Variants in EIF4B observed in about 807,000 individuals in gnomAD.
EIF4B encodes eukaryotic translation initiation factor 4B.
In EIF4B, 8 loss-of-function variants were observed where a neutral mutation model predicts 79.3. The observed-to-expected ratio is 0.10, with a 90% confidence interval of 0.06 to 0.18. The LOEUF is 0.18. Ranked by LOEUF, EIF4B falls within the 10% of genes least tolerant of loss-of-function variation. The pLI, the probability that EIF4B is intolerant of heterozygous loss-of-function variation, is 1.00. For missense variants in EIF4B, 515 were observed against 792.4 expected (o/e 0.65, Z 4.20); for synonymous variants, 238 against 274.7 (o/e 0.87, Z 1.32).
chr12:53,018,617 T>C (rs1220481114), intron 2 of EIF4B, among the ~76,000 whole-genome samples, 181 bp from the exon 3 acceptor site: 1 of 152,180 alleles, frequency 6.6e-6, no homozygotes, highest in Non-Finnish European at 1.5e-5. Flanking sequence ...GATTAAGGTG[T>C]CATAATTAAT....
Position 53,019,954 on chromosome 12 carries a change from G to A in EIF4B, c.405G>A (p.Arg135=), listed in dbSNP as rs1430101622. The A allele has an allele frequency of 1.2e-6, 2 of 1,613,024 alleles. No homozygotes were observed. Among genetic ancestry groups the A allele is most frequent in the East Asian group, 2.2e-5 (1 of 44,854 alleles). ...CACGTGAACCCAGCAATCCAGAGAGGTTGAAAGGTTTTGGTTATGCTGAAT... is the reference window on the plus strand; with the variant it reads ...CACGTGAACCCAGCAATCCAGAGAGATTGAAAGGTTTTGGTTATGCTGAAT... The part of the protein sequence containing the change: ...RLPREPSNPE[R]LKGFGYAEFE... The change falls in exon 4 of 15, where the codon AGG becomes AGA. Residue 135 remains arginine, a synonymous_variant. Coordinates refer to ENST00000262056, the MANE Select transcript of EIF4B (RefSeq NM_001417.7).
At chr12:53,021,630 C>A in intron 4 of EIF4B, 176 bp from the exon 5 acceptor site, 1 of 726,588 alleles carries the variant, frequency 1.4e-6, no homozygotes, top group Non-Finnish European at 2.5e-6. Context: ...ATTTGTTTAA[C>A]TTTTAAGTCT....
chr12:53,039,738 A>C (rs746229081), intron 14 of EIF4B, 36 bp downstream of exon 14: 5 of 1,591,890 alleles, frequency 3.1e-6, no homozygotes, highest in Non-Finnish European at 4.3e-6. Context: ...TTTTCATTCT[A>C]AGAAAAATTC....
Position 53,040,087 on chromosome 12 carries a change from G to A in EIF4B, c.1756-56G>A, listed in dbSNP as rs368743864. 3.8e-5 allele frequency: 61 copies of A among 1,599,052 alleles called. No homozygotes were observed. In the African/African-American group the frequency reaches 7.6e-4, roughly 20 times the overall value. Reference sequence around the variant, plus strand: ...AAAGGATCAGTATCCTGTGTCTTGGGTTTTGATGTGATAATTCAGGGCCTT... The same window carrying A: ...AAAGGATCAGTATCCTGTGTCTTGGATTTTGATGTGATAATTCAGGGCCTT... On this transcript the variant is annotated intron_variant, in intron 14 of 14. Coordinates refer to ENST00000262056, the MANE Select transcript of EIF4B (RefSeq NM_001417.7).
At chr12:53,027,607 C>A (rs1414597545) in intron 6 of EIF4B, among the ~76,000 whole-genome samples, 175 bp from the exon 7 acceptor site, 1 of 152,120 alleles carries the variant, frequency 6.6e-6, no homozygotes, top group Non-Finnish European at 1.5e-5. Flanking sequence ...AATTTCCAAC[C>A]CACCCTTCCC....
At chr12:53,007,817 C>T (rs1045118902) in intron 1 of EIF4B, among the ~76,000 whole-genome samples, 1 of 152,138 alleles carries the variant, frequency 6.6e-6, no homozygotes, top group Non-Finnish European at 1.5e-5. Flanking sequence ...ATTGGTGTAA[C>T]GCTTGACAGT....
chr12:53,012,703 T>G (rs1565583509), intron 1 of EIF4B, among the ~76,000 whole-genome samples: 1 of 150,902 alleles, frequency 6.6e-6, no homozygotes, highest in East Asian at 2.0e-4. Flanking sequence ...CCTCCCGGGT[T>G]CACGCCATTC....
chr12:53,019,437 A>ATTTTTT (rs1337954535), intron 3 of EIF4B, among the ~76,000 whole-genome samples: 2 of 51,026 alleles, frequency 3.9e-5, no homozygotes, highest in Admixed American at 3.1e-4. Flanking sequence ...ATATATATAT[A>ATTTTTT]TTTTTTTTTT....
chr12:53,007,693 C>T (rs1249907342), intron 1 of EIF4B, among the ~76,000 whole-genome samples: 1 of 152,146 alleles, frequency 6.6e-6, no homozygotes, highest in Non-Finnish European at 1.5e-5. Flanking sequence ...GAACTTCTAT[C>T]TCTGGGTGCT....
chr12:53,016,368 C>T (rs988192233), intron 1 of EIF4B, 105 bp from the exon 2 acceptor site: 9 of 1,419,424 alleles, frequency 6.3e-6, no homozygotes, highest in South Asian at 1.3e-5. Context: ...ATTTGAGGAG[C>T]GTCCATGTTA....
chr12:53,038,504 C>T (rs1943575353), intron 12 of EIF4B, 93 bp downstream of exon 12: 1 of 1,266,606 alleles, frequency 7.9e-7, no homozygotes, highest in East Asian at 2.6e-5. Flanking sequence ...GTGTCTCGCA[C>T]CTGATACCGT....
At chr12:53,007,432 T>A (rs910166820) in intron 1 of EIF4B, among the ~76,000 whole-genome samples, 14 of 146,758 alleles carry the variant, frequency 9.5e-5, no homozygotes, top group African/African-American at 3.4e-4. Flanking sequence ...TTTTTTTTTT[T>A]TTTTTTTTTT....
chr12:53,017,081 C>G (rs774123271), intron 2 of EIF4B, among the ~76,000 whole-genome samples: 1 of 151,972 alleles, frequency 6.6e-6, no homozygotes, highest in Non-Finnish European at 1.5e-5. Context: ...GGTGAAAACC[C>G]ATCTCTACTA....
intron 6 of EIF4B, among the ~76,000 whole-genome samples, chr12:53,024,014 A>G (rs970689614): frequency 6.6e-6 from 1 of 152,238 alleles, no homozygotes; most frequent in Non-Finnish European, 1.5e-5. Flanking sequence ...AAGATACAGC[A>G]GTGAACAAAA....
At chr12:53,037,726 A>G (rs1943563457) in intron 11 of EIF4B, 104 bp downstream of exon 11, 34 of 1,239,490 alleles carry the variant, frequency 2.7e-5, no homozygotes, top group Non-Finnish European at 3.8e-5. Context: ...ATAGCACCTT[A>G]TAAGTTATGC....
Position 53,039,099 on chromosome 12 carries a change from G to A in EIF4B, c.1577-139G>A, listed in dbSNP as rs558727790. ...GAGGATGTGGAAAGAAGGGCTTCAG[G>A]AAGGAAGTCTGGGTTGGGGTGAGGT... On this transcript the variant is annotated intron_variant, in intron 12 of 14. Transcript: ENST00000262056. The A allele has an allele frequency of 6.8e-6, 4 of 588,842 alleles. No individual in the cohort carries two copies. In the East Asian group the frequency reaches 1.1e-4, roughly 17 times the overall value. The allele number at this position is 588,842 out of a possible 1,614,324, so 36.5% of individuals were successfully genotyped here.
chr12:53,038,332 TG>T (rs760392467), intron 11 of EIF4B, 23 bp from the exon 12 acceptor site: 3 of 1,560,912 alleles, frequency 1.9e-6, no homozygotes, highest in Non-Finnish European at 2.6e-6. Flanking sequence ...AACTGATGAA[TG>T]TGATTACCTG....
chr12:53,010,726 A>C (rs1475324572), intron 1 of EIF4B, among the ~76,000 whole-genome samples: 2 of 152,048 alleles, frequency 1.3e-5, no homozygotes, highest in Non-Finnish European at 2.9e-5. Flanking sequence ...AGCTCACTGC[A>C]ATCTCCACCT....
chr12:53,026,971 G>T (rs948393697), intron 6 of EIF4B, among the ~76,000 whole-genome samples: 2 of 151,716 alleles, frequency 1.3e-5, no homozygotes, highest in Admixed American at 6.6e-5. Context: ...TGCATATATT[G>T]TTTCTCATTT....
Sources: allele counts gnomAD v4.1 joint callset (sites outside exome capture counted in the v4.1 genomes callset), GRCh38; gene constraint gnomAD v4.1.1; transcripts MANE v1.5; gene names NCBI Gene and HGNC (gene_info 2026-07-23, HGNC 2026-07-21).